Variants in GALNTL6 observed in about 807,000 individuals in gnomAD.
The protein encoded by GALNTL6 is polypeptide N-acetylgalactosaminyltransferase like 6.
GALNTL6 carries 46 observed loss-of-function variants against 73.7 expected under a neutral mutation model. That is an observed-to-expected ratio of 0.62 (90% CI 0.49 to 0.80). The LOEUF (loss-of-function observed/expected upper bound fraction) is 0.80. Ranked by LOEUF, GALNTL6 falls within the 30% of genes least tolerant of loss-of-function variation. The pLI is 0.00. For missense variants in GALNTL6, 604 were observed against 755.0 expected (o/e 0.80, Z 2.34); for synonymous variants, 259 against 263.7 (o/e 0.98, Z 0.17).
intron 5 of GALNTL6, among the ~76,000 whole-genome samples, chr4:172,624,324 CA>C (rs1288545968): frequency 3.3e-5 from 5 of 151,776 alleles, no homozygotes; most frequent in Admixed American, 2.6e-4. Flanking sequence ...TCTAGGATCT[CA>C]TAATTTCTTA....
intron 7 of GALNTL6, among the ~76,000 whole-genome samples, chr4:172,818,327 T>A (rs1348731779): frequency 6.6e-6 from 1 of 152,192 alleles, no homozygotes; most frequent in Non-Finnish European, 1.5e-5. Flanking sequence ...TTTATTCAAT[T>A]TTGCAAGTTG....
At chr4:172,681,834 A>G (rs1732648073) in intron 5 of GALNTL6, among the ~76,000 whole-genome samples, 1 of 152,118 alleles carries the variant, frequency 6.6e-6, no homozygotes, top group Admixed American at 6.5e-5. Context: ...AGAGCACCAG[A>G]CCTTCTGAGT....
At chr4:172,527,619 G>A (rs908188406) in intron 5 of GALNTL6, among the ~76,000 whole-genome samples, 17 of 152,056 alleles carry the variant, frequency 1.1e-4, no homozygotes, top group African/African-American at 3.9e-4. Context: ...CAGGTTTCAC[G>A]TTGCTTTTAG....
intron 9 of GALNTL6, among the ~76,000 whole-genome samples, chr4:172,938,200 G>A (rs552086975): frequency 6.6e-6 from 1 of 152,234 alleles, no homozygotes; most frequent in East Asian, 1.9e-4. Context: ...TCCTTCCTGT[G>A]CCATCTCCCT....
chr4:171,817,953 A>C (rs892875280), intron 2 of GALNTL6, among the ~76,000 whole-genome samples: 1 of 151,496 alleles, frequency 6.6e-6, no homozygotes, highest in Non-Finnish European at 1.5e-5. Context: ...GTGATGTGTT[A>C]TTTTCAATTG....
intron 2 of GALNTL6, among the ~76,000 whole-genome samples, chr4:171,999,095 T>A (rs1740590277): frequency 6.6e-6 from 1 of 152,196 alleles, no homozygotes; most frequent in Non-Finnish European, 1.5e-5. Flanking sequence ...AGGTCACTTT[T>A]CCATTCCTGA....
intron 2 of GALNTL6, among the ~76,000 whole-genome samples, chr4:171,851,826 A>C (rs556874558): frequency 6.6e-6 from 1 of 152,278 alleles, no homozygotes; most frequent in South Asian, 2.1e-4. Flanking sequence ...ACTTCCTCAA[A>C]CATAAATATT....
chr4:172,347,054 A>G (rs1284327508), intron 4 of GALNTL6, among the ~76,000 whole-genome samples: 4 of 146,336 alleles, frequency 2.7e-5, no homozygotes, highest in Admixed American at 6.9e-5. Context: ...CAGTGGTGCA[A>G]TCTCATCTCA....
At chr4:172,042,884 A>G (rs1331712959) in intron 2 of GALNTL6, among the ~76,000 whole-genome samples, 1 of 149,346 alleles carries the variant, frequency 6.7e-6, no homozygotes, top group East Asian at 2.0e-4. Context: ...AAAAAAAAAA[A>G]AAAAAAAGGT....
intron 5 of GALNTL6, among the ~76,000 whole-genome samples, chr4:172,682,011 G>T (rs1435487554): frequency 6.6e-6 from 1 of 152,120 alleles, no homozygotes; most frequent in African/African-American, 2.4e-5. Flanking sequence ...CAAATCATTT[G>T]ATTTCACAAA....
chr4:172,981,108 A>C (rs12499232), intron 10 of GALNTL6, among the ~76,000 whole-genome samples: 40,215 of 152,144 alleles, frequency 0.26, 5,745 homozygotes, highest in Middle Eastern at 0.36. Context: ...GTCAATGGAC[A>C]CTTGGGTTGT....
At chr4:172,270,988 A>G (rs1488278221) in intron 3 of GALNTL6, among the ~76,000 whole-genome samples, 1 of 152,128 alleles carries the variant, frequency 6.6e-6, no homozygotes, top group African/African-American at 2.4e-5. Context: ...TCTCTACACT[A>G]CTAATATAGA....
intron 2 of GALNTL6, among the ~76,000 whole-genome samples, chr4:172,198,189 G>A (rs924859176): frequency 1.3e-5 from 2 of 151,738 alleles, no homozygotes; most frequent in Admixed American, 6.6e-5. Context: ...ATAGGCACAG[G>A]TAAAGATTTT....
Position 172,607,736 on chromosome 4 carries a change from T to G in GALNTL6, c.554-201625T>G, listed in dbSNP as rs190746235. 4.6e-3 allele frequency among the ~76,000 whole-genome samples: 697 copies of G among 152,310 alleles called. 5 individuals are homozygous for G. Among genetic ancestry groups the G allele is most frequent in the Non-Finnish European group, 6.1e-3 (414 of 68,018 alleles). On this transcript the variant is annotated intron_variant, in intron 5 of 12. Transcript: ENST00000506823. ...AGCAGTGTGTAAATGTTCCCTTTCC[T>G]TTATAGCCTCATCAGCATCTGTTAT...
At chr4:172,683,483 G>A (rs1431116779) in intron 5 of GALNTL6, among the ~76,000 whole-genome samples, 4 of 152,128 alleles carry the variant, frequency 2.6e-5, no homozygotes, top group Non-Finnish European at 5.9e-5. Flanking sequence ...ATTCTTTCAA[G>A]TCTTTTAATT....
chr4:171,940,342 GA>G (rs1385243719), intron 2 of GALNTL6, among the ~76,000 whole-genome samples: 2 of 152,028 alleles, frequency 1.3e-5, no homozygotes, highest in Non-Finnish European at 2.9e-5. Context: ...CTTATTTGGG[GA>G]TGCAAATAAG....
intron 8 of GALNTL6, among the ~76,000 whole-genome samples, chr4:172,898,291 TACACAC>T (rs5741949): frequency 0.036 from 5,266 of 147,154 alleles, 201 homozygotes; most frequent in African/African-American, 0.088. Context: ...TATACTTTAT[TACACAC>T]ACACACACAC....
chr4:172,316,980 G>T (rs994200199), intron 4 of GALNTL6, among the ~76,000 whole-genome samples: 1 of 152,112 alleles, frequency 6.6e-6, no homozygotes, highest in Non-Finnish European at 1.5e-5. Context: ...CCAAACCCAC[G>T]AATCTCTTTC....
At chr4:171,845,710 CA>C (rs1735351749) in intron 2 of GALNTL6, among the ~76,000 whole-genome samples, 1 of 152,062 alleles carries the variant, frequency 6.6e-6, no homozygotes, top group Admixed American at 6.6e-5. Flanking sequence ...ACCAAGTCTC[CA>C]AATTACTGCA....
Sources: gnomAD v4.1 joint callset for allele counts (sites outside exome capture counted in the v4.1 genomes callset) on GRCh38, gnomAD v4.1.1 for gene constraint, MANE v1.5 for transcripts, NCBI Gene and HGNC (gene_info 2026-07-23, HGNC 2026-07-21) for gene names.